AKAP6: variants seen among roughly 807,000 people sequenced by gnomAD.
AKAP6 encodes A-kinase anchoring protein 6.
Under a neutral mutation model 188.5 loss-of-function variants are expected in AKAP6, and 58 were observed. The ratio of observed to expected loss-of-function variants is 0.31; its 90% CI spans 0.25 to 0.38. AKAP6 has a LOEUF of 0.38. Ranked by LOEUF, AKAP6 falls within the 10% of genes least tolerant of loss-of-function variation. The probability of loss-of-function intolerance (pLI) is 1.00; values close to 1 mark genes in which losing one functional copy is unlikely to be tolerated. For missense variants in AKAP6, 2,710 were observed against 2,740.0 expected (o/e 0.99, Z 0.24); for synonymous variants, 989 against 998.6 (o/e 0.99, Z 0.18).
At chr14:32,742,808 T>C (rs1021699563) in intron 11 of AKAP6, among the ~76,000 whole-genome samples, 1 of 152,154 alleles carries the variant, frequency 6.6e-6, no homozygotes, top group Non-Finnish European at 1.5e-5. Flanking sequence ...TCCTTGAGAA[T>C]GATCCATGTG....
chr14:32,513,837 T>C (rs138311045), intron 2 of AKAP6, among the ~76,000 whole-genome samples: 98 of 152,356 alleles, frequency 6.4e-4, no homozygotes, highest in African/African-American at 2.3e-3. Context: ...ACTTTTTTTC[T>C]ATATAGAACT....
intron 12 of AKAP6, among the ~76,000 whole-genome samples, chr14:32,806,652 G>A (rs185480396): frequency 1.2e-4 from 18 of 152,064 alleles, no homozygotes; most frequent in Non-Finnish European, 2.2e-4. Context: ...ACTCCAGCCC[G>A]GGCAGCAGAG....
intron 8 of AKAP6, among the ~76,000 whole-genome samples, chr14:32,683,745 T>G (rs11156759): frequency 0.23 from 34,435 of 152,092 alleles, 4,804 homozygotes; most frequent in East Asian, 0.58. Flanking sequence ...AATCACTAAG[T>G]GATGCCCAGC....
intron 2 of AKAP6, among the ~76,000 whole-genome samples, chr14:32,461,706 G>T (rs970694570): frequency 6.6e-6 from 1 of 151,960 alleles, no homozygotes; most frequent in Non-Finnish European, 1.5e-5. Flanking sequence ...TTGAGCAAGG[G>T]CACAAAACTA....
At chr14:32,356,718 A>T (rs895138018) in intron 1 of AKAP6, among the ~76,000 whole-genome samples, 1 of 151,782 alleles carries the variant, frequency 6.6e-6, no homozygotes, top group Non-Finnish European at 1.5e-5. Flanking sequence ...CCTTTACTCT[A>T]TGCCTTCTGC....
At chr14:32,567,072 C>A (rs1051643581) in intron 4 of AKAP6, among the ~76,000 whole-genome samples, 2 of 152,100 alleles carry the variant, frequency 1.3e-5, no homozygotes, top group African/African-American at 4.8e-5. Context: ...CAGGTGCACA[C>A]CACCCTGACC....
At chr14:32,811,252 A>AAAAAAAAAAAAAAAAAAAAAAAG (rs2034223691) in intron 12 of AKAP6, among the ~76,000 whole-genome samples, 1 of 139,604 alleles carries the variant, frequency 7.2e-6, no homozygotes, top group Non-Finnish European at 1.6e-5. Context: ...AAAAAAAAAA[A>AAAAAAAAAAAAAAAAAAAAAAAG]AAAAGTTGAA....
At chr14:32,441,817 C>T (rs1354318727) in intron 2 of AKAP6, among the ~76,000 whole-genome samples, 3 of 152,224 alleles carry the variant, frequency 2.0e-5, no homozygotes, top group African/African-American at 7.2e-5. Flanking sequence ...AAGATTAATA[C>T]AGGTTTTACA....
At chr14:32,538,110 C>T (rs1882767579) in intron 3 of AKAP6, among the ~76,000 whole-genome samples, 1 of 152,144 alleles carries the variant, frequency 6.6e-6, no homozygotes, top group Non-Finnish European at 1.5e-5. Flanking sequence ...TAAAGTTCTG[C>T]CTCTATAACC....
At chr14:32,547,149 A>G (rs1037812458) in intron 4 of AKAP6, 150 bp downstream of exon 4, 45 of 821,862 alleles carry the variant, frequency 5.5e-5, no homozygotes, top group Middle Eastern at 3.7e-4. Flanking sequence ...AAGCACAATG[A>G]TCAATGCATG....
At chr14:32,526,271 C>T (rs192777653) in intron 2 of AKAP6, among the ~76,000 whole-genome samples, 16 of 152,136 alleles carry the variant, frequency 1.1e-4, no homozygotes, top group Admixed American at 5.2e-4. Flanking sequence ...CTTGCCCTGT[C>T]GCCCAGGTTG....
chr14:32,561,321 A>G (rs1883947254), intron 4 of AKAP6, among the ~76,000 whole-genome samples: 1 of 152,180 alleles, frequency 6.6e-6, no homozygotes, highest in Non-Finnish European at 1.5e-5. Context: ...TAGGGTAAGA[A>G]CCTTAATTCT....
chr14:32,550,071 G>A (rs1166250770), intron 4 of AKAP6, among the ~76,000 whole-genome samples: 1 of 152,166 alleles, frequency 6.6e-6, no homozygotes, highest in Non-Finnish European at 1.5e-5. Context: ...AGTGATTAAA[G>A]CCTGGTGTGG....
At chr14:32,469,494 A>G (rs1412727299) in intron 2 of AKAP6, among the ~76,000 whole-genome samples, 1 of 152,208 alleles carries the variant, frequency 6.6e-6, no homozygotes, top group Non-Finnish European at 1.5e-5. Context: ...AAGTCAAGAC[A>G]GTTTTGATCT....
In AKAP6 at chr14:32,835,297, A is replaced by G. The variant is rs552790753; in HGVS notation, c.*5492A>G. On this transcript the variant is annotated 3_prime_UTR_variant, in exon 14 of 14. Coordinates refer to ENST00000280979, the MANE Select transcript of AKAP6 (RefSeq NM_004274.5). ...TTTTTCTTTTTACTTCCTAGATTTT[A>G]TTGCATTCTCAACTTGTTTCATATT... 17 of 151,918 alleles carry G rather than the reference A, an allele frequency of 1.1e-4. No homozygotes were observed. Among genetic ancestry groups the G allele is most frequent in the African/African-American group, 4.1e-4 (17 of 41,418 alleles). The allele number at this position is 151,918 out of a possible 1,614,324, so 9.4% of individuals were successfully genotyped here.
chr14:32,800,063 A>C (rs75104958), intron 12 of AKAP6, among the ~76,000 whole-genome samples: 20,377 of 113,240 alleles, frequency 0.18, 1,552 homozygotes, highest in Middle Eastern at 0.27. Context: ...CTCTCTCTCT[A>C]TATATATAGA....
At chr14:32,798,179 C>A (rs575354920) in intron 12 of AKAP6, among the ~76,000 whole-genome samples, 2 of 148,032 alleles carry the variant, frequency 1.4e-5, no homozygotes, top group African/African-American at 4.9e-5. Flanking sequence ...AAATGCAAAT[C>A]AAAACCACAA....
chr14:32,413,995 G>T (rs1262051559), intron 1 of AKAP6, among the ~76,000 whole-genome samples: 2 of 151,300 alleles, frequency 1.3e-5, no homozygotes, highest in Non-Finnish European at 2.9e-5. Context: ...TGTTGAAAGG[G>T]ACATAAGCTT....
At chr14:32,663,353 A>G (rs1247935807) in intron 7 of AKAP6, among the ~76,000 whole-genome samples, 1 of 152,032 alleles carries the variant, frequency 6.6e-6, no homozygotes, top group East Asian at 1.9e-4. Context: ...TGCCTCACTC[A>G]TTCTTTCAGT....
Sources: gnomAD v4.1 joint callset for allele counts (sites outside exome capture counted in the v4.1 genomes callset) on GRCh38, gnomAD v4.1.1 for gene constraint, MANE v1.5 for transcripts, NCBI Gene and HGNC (gene_info 2026-07-23, HGNC 2026-07-21) for gene names.